The following FAM163B variants were observed in gnomAD, a reference collection of about 807,000 sequenced individuals.
The protein encoded by FAM163B is protein FAM163B.
Under a neutral mutation model 7.6 loss-of-function variants are expected in FAM163B, and 4 were observed. That is an observed-to-expected ratio of 0.52 (90% CI 0.26 to 1.20). The LOEUF is 1.20. Among genes scored for constraint, FAM163B ranks in the 50% most tolerant of loss-of-function variants. The pLI is 0.14. For missense variants in FAM163B, 250 were observed against 243.0 expected (o/e 1.03, Z -0.19); for synonymous variants, 120 against 111.6 (o/e 1.07, Z -0.47).
At chr9:133,592,288 GA>G (rs2131244613) in intron 1 of FAM163B, among the ~76,000 whole-genome samples, 1 of 152,262 alleles carries the variant, frequency 6.6e-6, no homozygotes, top group Non-Finnish European at 1.5e-5. Context: ...TTGTCTACAG[GA>G]ATCACGACTG....
rs202112580 is a variant in FAM163B, at chr9:133,590,037, G to GTTCCCTTCCC, written c.-23-9801_-23-9792dup. 4.9e-5 allele frequency among the ~76,000 whole-genome samples: 4 copies of GTTCCCTTCCC among 80,834 alleles called. No homozygotes were observed. In the South Asian group the frequency reaches 2.2e-3, roughly 45 times the overall value. 53.0% of individuals were successfully genotyped at this position (80,834 alleles called of 152,430 possible). On this transcript the variant is annotated intron_variant, in intron 1 of 2. Coordinates refer to ENST00000673969, the MANE Select transcript of FAM163B (RefSeq NM_001080515.3). ...AAACCCTCTCTGCTGCTGGACTTAA[G>GTTCCCTTCCC]TTCCCTTCCCTTCCCTTCCCTTCCC...
intron 1 of FAM163B, among the ~76,000 whole-genome samples, chr9:133,598,405 C>T (rs1831661968): frequency 6.7e-6 from 1 of 149,616 alleles, no homozygotes; most frequent in South Asian, 2.1e-4. Flanking sequence ...AAGAGAAGTG[C>T]ATTTGAAAAA....
chr9:133,590,076 CCCCTTCCCCTTCCCT>C (rs1831519189), intron 1 of FAM163B, among the ~76,000 whole-genome samples: 1 of 36,786 alleles, frequency 2.7e-5, no homozygotes, highest in African/African-American at 1.3e-4. Context: ...CCCTTCCCTT[CCCCTTCCCCTTCCCT>C]TCCCCTTCCC....
At position 133,600,137 on chromosome 9, in the gene FAM163B, CGT is replaced by C. The variant is rs1302873740; in HGVS notation, c.-24+8938_-24+8939del. 2.8e-5 allele frequency among the ~76,000 whole-genome samples: 4 copies of C among 143,102 alleles called. No individual in the cohort carries two copies. Among genetic ancestry groups the C allele is most frequent in the East Asian group, 2.1e-4 (1 of 4,702 alleles). The allele number at this position is 143,102 out of a possible 152,430, so 93.9% of individuals were successfully genotyped here. A position where few individuals can be genotyped will look rare whatever the true frequency, so the allele number is the denominator to read the frequency against. The stretch of plus-strand genomic sequence containing the variant: ...GTCTATGTGTATGTGTGTCTGTGTG[CGT>C]GTGTGAATGTATGTGTGCATGAGTG... On this transcript the variant is annotated intron_variant, in intron 1 of 2. Transcript: ENST00000673969. This position sits in a 1 kb window ranked among gnomAD's most constrained non-coding sequence, Gnocchi z 4.9.
intron 1 of FAM163B, among the ~76,000 whole-genome samples, chr9:133,602,822 T>C (rs1233804267): frequency 6.6e-6 from 1 of 152,212 alleles, no homozygotes; most frequent in African/African-American, 2.4e-5. Context: ...AGCTGATATT[T>C]TTCTAGTAAA....
At position 133,600,780 on chromosome 9, in the gene FAM163B, C is replaced by A. The variant is rs1052668367; in HGVS notation, c.-24+8297G>T. Among the ~76,000 whole-genome samples, 2 of 152,124 alleles carry A rather than the reference C, an allele frequency of 1.3e-5. No individual in the cohort carries two copies. The highest frequency in any genetic ancestry group is 2.9e-5 in the Non-Finnish European group (2 of 68,018). On this transcript the variant is annotated intron_variant, in intron 1 of 2. Coordinates refer to ENST00000673969, the MANE Select transcript of FAM163B (RefSeq NM_001080515.3). The surrounding 1 kb of genome is among the most constrained non-coding windows in gnomAD (Gnocchi z 4.9). Reference sequence around the variant, plus strand: ...CAGAATCTGAGACTCCTTTCCTCTTCGATTCGGAAGGGACTTTGGAAGATA... The same window carrying A: ...CAGAATCTGAGACTCCTTTCCTCTTAGATTCGGAAGGGACTTTGGAAGATA...
At chr9:133,582,892 G>A (rs1048526386) in intron 1 of FAM163B, among the ~76,000 whole-genome samples, 6 of 152,218 alleles carry the variant, frequency 3.9e-5, no homozygotes, top group Non-Finnish European at 8.8e-5. Flanking sequence ...GTCAGAAGGC[G>A]CTGGTCCCCG....
At chr9:133,588,627 T>C (rs183394529) in intron 1 of FAM163B, among the ~76,000 whole-genome samples, 2 of 146,500 alleles carry the variant, frequency 1.4e-5, no homozygotes, top group Non-Finnish European at 3.0e-5. Flanking sequence ...GGATCTAGCA[T>C]GTTGAGGGAT....
chr9:133,593,160 G>A lies in FAM163B; in HGVS notation c.-23-12914C>T, dbSNP rs564950457. 2.7e-4 allele frequency among the ~76,000 whole-genome samples: 41 copies of A among 152,320 alleles called. No homozygotes were observed. In the South Asian group the frequency reaches 6.0e-3, roughly 22 times the overall value. The stretch of plus-strand genomic sequence containing the variant: ...TGATGAAGGTTTCCCCCCCTGTATC[G>A]CTGTGCCCATTCTGCAGATGAGCAA... On this transcript the variant is annotated intron_variant, in intron 1 of 2. Transcript: ENST00000673969.
chr9:133,590,175 TCTTTC>T (rs1328903808), intron 1 of FAM163B, among the ~76,000 whole-genome samples: 2 of 122,496 alleles, frequency 1.6e-5, no homozygotes, highest in East Asian at 2.6e-4. Flanking sequence ...CCCCTCCCCT[TCTTTC>T]CTTTCCTTTC....
chr9:133,578,760 A>G lies in FAM163B; in HGVS notation c.*262T>C, dbSNP rs1045828779. On this transcript the variant is annotated 3_prime_UTR_variant, in exon 3 of 3. Transcript: ENST00000673969. ...CCTCTGTGCCTGAGAGCCCTGGTGCATGCCCAGCCGGCTGTATGGTCACCT... is the reference window on the plus strand; with the variant it reads ...CCTCTGTGCCTGAGAGCCCTGGTGCGTGCCCAGCCGGCTGTATGGTCACCT... 1.9e-6 allele frequency: 1 copy of G among 538,012 alleles called. No individual in the cohort carries two copies. Among genetic ancestry groups the G allele is most frequent in the Admixed American group, 3.7e-5 (1 of 26,850 alleles). The allele number at this position is 538,012 out of a possible 1,614,324, so 33.3% of individuals were successfully genotyped here.
chr9:133,590,068 C>T (rs867772428), intron 1 of FAM163B, among the ~76,000 whole-genome samples: 8 of 26,028 alleles, frequency 3.1e-4, no homozygotes, highest in Non-Finnish European at 6.5e-4. Context: ...TTCCCTTCCC[C>T]TTCCCTTCCC....
chr9:133,602,836 T>C (rs1831746584), intron 1 of FAM163B, among the ~76,000 whole-genome samples: 1 of 152,216 alleles, frequency 6.6e-6, no homozygotes. Context: ...TAGTAAAATA[T>C]TGGACGCTTT....
At chr9:133,596,079 GA>G (rs1177326402) in intron 1 of FAM163B, among the ~76,000 whole-genome samples, 2 of 152,128 alleles carry the variant, frequency 1.3e-5, no homozygotes, top group African/African-American at 2.4e-5. Flanking sequence ...AGAGTGGGAG[GA>G]AGCCGTTCAG....
rs1831271574 is a variant in FAM163B, at chr9:133,577,545, T to G, written c.*1477A>C. Among the ~76,000 whole-genome samples, 1 of 152,232 alleles carries G rather than the reference T, an allele frequency of 6.6e-6. No individual in the cohort carries two copies. The highest frequency in any genetic ancestry group is 6.5e-5 in the Admixed American group (1 of 15,288). On this transcript the variant is annotated 3_prime_UTR_variant, in exon 3 of 3. Transcript: ENST00000673969. ...TGAGTAAGGGCAAGAAGTGTCCTGC[T>G]CAAGCCACCCCTCCGCTCAGGGAAG...
chr9:133,591,830 C>T (rs114122845), intron 1 of FAM163B, among the ~76,000 whole-genome samples: 2,938 of 152,246 alleles, frequency 0.019, 75 homozygotes, highest in African/African-American at 0.066. Context: ...TAGGCCTGTC[C>T]GTGTGGCCTC....
At position 133,583,525 on chromosome 9, in the gene FAM163B, C is replaced by T. The variant is rs984425064; in HGVS notation, c.-23-3279G>A. ...GAACCCCAGGGGTTCTGTGGGACAG[C>T]AGCTGCACCATGCTCAGTGCTGTGC... is the stretch of plus-strand genomic sequence containing the variant. On this transcript the variant is annotated intron_variant, in intron 1 of 2. Transcript: ENST00000673969. Among the ~76,000 whole-genome samples, 481 of 152,354 alleles carry T rather than the reference C, an allele frequency of 3.2e-3. 5 individuals carry two copies. Among genetic ancestry groups the T allele is most frequent in the African/African-American group, 0.011 (451 of 41,582 alleles).
intron 2 of FAM163B, 107 bp from the exon 3 acceptor site, chr9:133,579,536 T>A (rs923033526): frequency 7.1e-7 from 1 of 1,405,046 alleles, no homozygotes; most frequent in Non-Finnish European, 9.5e-7. Context: ...ACGGTGGGAG[T>A]GGGGTGGCCC....
At chr9:133,608,497 G>C (rs1024468212) in intron 1 of FAM163B, among the ~76,000 whole-genome samples, 3 of 152,174 alleles carry the variant, frequency 2.0e-5, no homozygotes, top group Non-Finnish European at 2.9e-5. Context: ...ACAAAGGTGT[G>C]AGGTGGTGGT....
Sources: gnomAD v4.1 joint callset for allele counts (sites outside exome capture counted in the v4.1 genomes callset) on GRCh38, gnomAD v4.1.1 for gene constraint, Gnocchi (gnomAD v3.1) non-coding constraint, MANE v1.5 for transcripts, NCBI Gene and HGNC (gene_info 2026-07-23, HGNC 2026-07-21) for gene names.